Variants in PLCL1 observed in about 807,000 individuals in gnomAD.
The protein encoded by PLCL1 is phospholipase C like 1 (inactive), also known as inactive phospholipase C-like protein 1.
In PLCL1, 41 loss-of-function variants were observed where a neutral mutation model predicts 84.4. That is an observed-to-expected ratio of 0.49 (90% CI 0.38 to 0.63). PLCL1 has a LOEUF of 0.63. PLCL1 is among the 30% of genes least tolerant of loss of function. The pLI is 0.00. For synonymous variants in PLCL1, 490 were observed against 488.3 expected, an observed-to-expected ratio of 1.00 and a Z score of -0.05; for missense variants, 1,206 against 1,367.8, an observed-to-expected ratio of 0.88 and a Z score of 1.87.
At chr2:197,870,974 C>G (rs1480575345) in intron 1 of PLCL1, among the ~76,000 whole-genome samples, 1 of 152,022 alleles carries the variant, frequency 6.6e-6, no homozygotes, top group Non-Finnish European at 1.5e-5. Flanking sequence ...GGGAGAGGAG[C>G]TGTTTTTCTG....
chr2:197,880,884 G>T (rs937809919), intron 1 of PLCL1, among the ~76,000 whole-genome samples: 1 of 152,140 alleles, frequency 6.6e-6, no homozygotes, highest in East Asian at 1.9e-4. Context: ...CTGACAATTT[G>T]CTAGTTAGAA....
chr2:197,992,486 A>T (rs1355787224), intron 1 of PLCL1, among the ~76,000 whole-genome samples: 1 of 151,996 alleles, frequency 6.6e-6, no homozygotes, highest in African/African-American at 2.4e-5. Context: ...GCTGGTCTCA[A>T]ACTCCTGGGC....
chr2:198,136,080 G>A (rs960280443), intron 5 of PLCL1, among the ~76,000 whole-genome samples: 3 of 151,966 alleles, frequency 2.0e-5, no homozygotes, highest in Non-Finnish European at 4.4e-5. Context: ...TTTTATTGTC[G>A]CATTTTATTC....
At chr2:197,926,326 T>A (rs1375941127) in intron 1 of PLCL1, among the ~76,000 whole-genome samples, 1 of 152,306 alleles carries the variant, frequency 6.6e-6, no homozygotes, top group East Asian at 1.9e-4. Flanking sequence ...TGAACCCACT[T>A]GTGGATTTTG....
chr2:198,073,907 G>T (rs1440496339), intron 1 of PLCL1, among the ~76,000 whole-genome samples: 2 of 152,102 alleles, frequency 1.3e-5, no homozygotes, highest in South Asian at 2.1e-4. Context: ...ATAGAATTAG[G>T]TTTTTTAAAA....
rs139123427 is a variant in PLCL1 at position 198,101,301 on chromosome 2, G to A, written c.2936G>A (p.Arg979Gln). The change falls in exon 4 of 6, where the codon CGG (arginine) becomes CAG (glutamine). Residue 979 changes from arginine (R) to glutamine (Q), a missense_variant. Coordinates refer to ENST00000428675, the MANE Select transcript of PLCL1 (RefSeq NM_006226.4). The part of the protein sequence containing the change: ...TAYDLMIQES[R>Q]FLIEMADTVQ... ...TTGTAACAGATGATTCAAGAGAGCC[G>A]GTTTCTCATAGAAATGGCGGACACA... The A allele has an allele frequency of 7.1e-5, 113 of 1,595,634 alleles. No individual in the cohort carries two copies. The highest frequency in any genetic ancestry group is 1.3e-4 in the African/African-American group (10 of 74,224).
chr2:197,813,235 A>G (rs1423044169), intron 1 of PLCL1, among the ~76,000 whole-genome samples: 3 of 152,102 alleles, frequency 2.0e-5, no homozygotes, highest in Non-Finnish European at 4.4e-5. Flanking sequence ...GAGAGAGAAG[A>G]CCATGCTATG....
intron 1 of PLCL1, among the ~76,000 whole-genome samples, chr2:197,910,456 C>T (rs554639715): frequency 3.5e-4 from 53 of 152,246 alleles, no homozygotes; most frequent in Admixed American, 9.2e-4. Flanking sequence ...CCACGACCAT[C>T]TCAGAGATGA....
intron 1 of PLCL1, among the ~76,000 whole-genome samples, chr2:197,853,590 C>T (rs548096008): frequency 6.6e-6 from 1 of 152,286 alleles, no homozygotes; most frequent in South Asian, 2.1e-4. Context: ...CCTCTAGAGC[C>T]AGTAGCAACA....
intron 1 of PLCL1, among the ~76,000 whole-genome samples, chr2:197,874,180 T>C (rs1574925040): frequency 1.3e-5 from 2 of 152,162 alleles, no homozygotes; most frequent in African/African-American, 4.8e-5. Context: ...ATAGTAAATA[T>C]GCAGTCACAA....
Position 198,128,597 on chromosome 2 carries a change from C to T in PLCL1, c.3106-18183C>T, listed in dbSNP as rs149838794. ...CTTGATATGGTGGTGCCAGTTGATC[C>T]GTCAAGTGCAGGGTCTGCAAAACTT... On this transcript the variant is annotated intron_variant, in intron 5 of 5. Coordinates refer to ENST00000428675, the MANE Select transcript of PLCL1 (RefSeq NM_006226.4). Among the ~76,000 whole-genome samples, 473 of 152,140 alleles carry T rather than the reference C, an allele frequency of 3.1e-3. 4 individuals carry two copies. In the East Asian group the frequency reaches 0.031, roughly 10 times the overall value.
At chr2:197,864,343 CT>C (rs1687488055) in intron 1 of PLCL1, among the ~76,000 whole-genome samples, 1 of 150,292 alleles carries the variant, frequency 6.7e-6, no homozygotes, top group African/African-American at 2.4e-5. Flanking sequence ...CTCATGTCAA[CT>C]CTTTCTTTTT....
chr2:197,911,158 C>T (rs1688477108), intron 1 of PLCL1, among the ~76,000 whole-genome samples: 1 of 151,982 alleles, frequency 6.6e-6, no homozygotes, highest in Non-Finnish European at 1.5e-5. Flanking sequence ...GCCTGGGCAA[C>T]ATGGGGAAAC....
intron 1 of PLCL1, among the ~76,000 whole-genome samples, chr2:197,979,128 T>C (rs76774609): frequency 0.011 from 1,650 of 152,266 alleles, 27 homozygotes; most frequent in African/African-American, 0.038. Flanking sequence ...TTTCCTGACC[T>C]ATGATCTCAC....
At chr2:198,030,529 G>T (rs1298487403) in intron 1 of PLCL1, among the ~76,000 whole-genome samples, 1 of 152,150 alleles carries the variant, frequency 6.6e-6, no homozygotes, top group African/African-American at 2.4e-5. Context: ...AGGCCAGCAG[G>T]GTAGTTGAAT....
At chr2:197,932,692 A>G (rs1688964942) in intron 1 of PLCL1, among the ~76,000 whole-genome samples, 1 of 152,204 alleles carries the variant, frequency 6.6e-6, no homozygotes, top group African/African-American at 2.4e-5. Context: ...ACTTCAACTC[A>G]AGATCAATTT....
intron 1 of PLCL1, among the ~76,000 whole-genome samples, chr2:198,003,074 G>A (rs961196998): frequency 6.6e-6 from 1 of 151,674 alleles, no homozygotes; most frequent in Non-Finnish European, 1.5e-5. Context: ...AGATTTAGAG[G>A]TTGTTAGATA....
chr2:197,855,474 G>A (rs1227662083), intron 1 of PLCL1, among the ~76,000 whole-genome samples: 1 of 152,010 alleles, frequency 6.6e-6, no homozygotes, highest in African/African-American at 2.4e-5. Flanking sequence ...CCTTTTTCTT[G>A]TTCCTTGTGA....
chr2:198,013,086 A>T (rs918912994), intron 1 of PLCL1, among the ~76,000 whole-genome samples: 2 of 152,146 alleles, frequency 1.3e-5, no homozygotes, highest in Admixed American at 1.3e-4. Flanking sequence ...AATAGATTTT[A>T]AAAATCTATA....
Sources: gnomAD v4.1 joint callset for allele counts (sites outside exome capture counted in the v4.1 genomes callset) on GRCh38, gnomAD v4.1.1 for gene constraint, MANE v1.5 for transcripts, NCBI Gene and HGNC (gene_info 2026-07-23, HGNC 2026-07-21) for gene names.